Variants in ADAMTSL1 observed in about 807,000 individuals in gnomAD.
ADAMTSL1 encodes ADAMTS-like protein 1.
Under a neutral mutation model 201.8 loss-of-function variants are expected in ADAMTSL1, and 126 were observed. That is an observed-to-expected ratio of 0.62 (90% CI 0.54 to 0.72). The LOEUF (loss-of-function observed/expected upper bound fraction) is 0.72, where lower values mean the gene tolerates loss of function less well. Ranked by LOEUF, ADAMTSL1 falls within the 30% of genes least tolerant of loss-of-function variation. The pLI, the probability that ADAMTSL1 is intolerant of heterozygous loss-of-function variation, is 0.00. For synonymous variants in ADAMTSL1, 1,121 were observed against 903.4 expected (o/e 1.24, Z -4.32); for missense variants, 2,679 against 2,277.8 (o/e 1.18, Z -3.59).
intron 1 of ADAMTSL1, among the ~76,000 whole-genome samples, chr9:18,035,028 T>C (rs1424255909): frequency 2.0e-5 from 3 of 152,196 alleles, no homozygotes; most frequent in Non-Finnish European, 4.4e-5. Context: ...ATCCCAACTG[T>C]CTCTTGGTTC....
intron 1 of ADAMTSL1, among the ~76,000 whole-genome samples, chr9:18,098,936 C>T (rs931729932): frequency 2.0e-5 from 3 of 152,048 alleles, no homozygotes; most frequent in Non-Finnish European, 4.4e-5. Context: ...TGTGAGTTTC[C>T]CTCCCCTAAA....
chr9:17,999,174 A>G (rs535806402), intron 1 of ADAMTSL1, among the ~76,000 whole-genome samples: 33 of 152,252 alleles, frequency 2.2e-4, no homozygotes, highest in African/African-American at 7.9e-4. Context: ...GAACACAAAG[A>G]TAATATACAA....
intron 2 of ADAMTSL1, among the ~76,000 whole-genome samples, chr9:18,252,862 C>T (rs186901417): frequency 6.6e-6 from 1 of 152,236 alleles, no homozygotes; most frequent in Admixed American, 6.5e-5. Flanking sequence ...AATACATATG[C>T]TTTGACTAAG....
intron 1 of ADAMTSL1, among the ~76,000 whole-genome samples, chr9:17,914,482 T>A (rs955065343): frequency 6.6e-5 from 10 of 152,316 alleles, no homozygotes; most frequent in South Asian, 6.2e-4. Context: ...CCCTTCATGC[T>A]AAAAACTCTC....
chr9:18,343,844 A>G (rs774808295), intron 2 of ADAMTSL1, among the ~76,000 whole-genome samples: 4 of 152,024 alleles, frequency 2.6e-5, no homozygotes, highest in Non-Finnish European at 5.9e-5. Context: ...TACAGCAGGT[A>G]CTCCATGCTC....
chr9:17,937,809 T>C (rs542866064), intron 1 of ADAMTSL1, among the ~76,000 whole-genome samples: 7 of 152,170 alleles, frequency 4.6e-5, no homozygotes, highest in Non-Finnish European at 1.0e-4. Flanking sequence ...AGGAAGACTC[T>C]AATGCTTCCT....
intron 23 of ADAMTSL1, among the ~76,000 whole-genome samples, chr9:18,885,172 G>A (rs1289805037): frequency 6.6e-6 from 1 of 152,136 alleles, no homozygotes; most frequent in Non-Finnish European, 1.5e-5. Flanking sequence ...CAGAAATTTA[G>A]TGGCTCACAG....
At chr9:18,130,166 T>C (rs1164363088) in intron 1 of ADAMTSL1, among the ~76,000 whole-genome samples, 1 of 152,162 alleles carries the variant, frequency 6.6e-6, no homozygotes, top group African/African-American at 2.4e-5. Context: ...CTTATGCTTC[T>C]TGTCTCTCCT....
intron 2 of ADAMTSL1, among the ~76,000 whole-genome samples, chr9:18,528,241 T>G (rs1819218908): frequency 6.6e-6 from 1 of 152,068 alleles, no homozygotes; most frequent in Admixed American, 6.6e-5. Flanking sequence ...ATATGCAGGT[T>G]TGTTACAAAG....
At chr9:18,637,033 T>C (rs371197312) in intron 6 of ADAMTSL1, among the ~76,000 whole-genome samples, 18 of 152,176 alleles carry the variant, frequency 1.2e-4, no homozygotes, top group Admixed American at 1.0e-3. Context: ...CCCATAAAAG[T>C]CAAGATAGCC....
At chr9:18,608,453 TG>T (rs1388086166) in intron 4 of ADAMTSL1, among the ~76,000 whole-genome samples, 1 of 152,006 alleles carries the variant, frequency 6.6e-6, no homozygotes, top group Non-Finnish European at 1.5e-5. Context: ...TGCATGTGAG[TG>T]GGGGGTTAGT....
intron 1 of ADAMTSL1, among the ~76,000 whole-genome samples, chr9:18,501,732 A>G (rs1587390214): frequency 6.6e-6 from 1 of 152,204 alleles, no homozygotes. Flanking sequence ...AACATTAAAC[A>G]TGGATTCCAT....
chr9:18,510,634 T>TAAAC (rs1235611023), intron 2 of ADAMTSL1, among the ~76,000 whole-genome samples: 1 of 152,114 alleles, frequency 6.6e-6, no homozygotes, highest in Non-Finnish European at 1.5e-5. Flanking sequence ...AGACACTGTA[T>TAAAC]AAACATTGTC....
At chr9:18,025,875 C>T (rs759717869) in intron 1 of ADAMTSL1, among the ~76,000 whole-genome samples, 2 of 152,092 alleles carry the variant, frequency 1.3e-5, no homozygotes, top group African/African-American at 2.4e-5. Flanking sequence ...TTGATTCTTT[C>T]AGTCCAAGAG....
chr9:18,010,305 C>T (rs958406252), intron 1 of ADAMTSL1, among the ~76,000 whole-genome samples: 1 of 151,960 alleles, frequency 6.6e-6, no homozygotes, highest in African/African-American at 2.4e-5. Flanking sequence ...AATCAGAAAG[C>T]AAGTTTTCTA....
chr9:18,559,223 A>G (rs1446808084), intron 3 of ADAMTSL1, among the ~76,000 whole-genome samples: 1 of 152,146 alleles, frequency 6.6e-6, no homozygotes, highest in Non-Finnish European at 1.5e-5. Context: ...TTTTCTGCAT[A>G]TGGCTAGCCT....
At chr9:18,605,771 C>T (rs4977248) in intron 4 of ADAMTSL1, among the ~76,000 whole-genome samples, 87,342 of 152,036 alleles carry the variant, frequency 0.57, 26,022 homozygotes, top group Middle Eastern at 0.66. Flanking sequence ...ACAAATATTC[C>T]ATTCACATGC....
intron 16 of ADAMTSL1, among the ~76,000 whole-genome samples, chr9:18,756,489 G>A (rs1819781346): frequency 6.6e-6 from 1 of 151,928 alleles, no homozygotes; most frequent in Non-Finnish European, 1.5e-5. Flanking sequence ...GTAACTTCAG[G>A]GATCCCTAGG....
intron 1 of ADAMTSL1, among the ~76,000 whole-genome samples, chr9:17,987,818 A>C (rs1201747988): frequency 1.3e-5 from 2 of 151,990 alleles, no homozygotes; most frequent in African/African-American, 4.8e-5. Context: ...TTAAATGCAG[A>C]CTCAGTCAGC....
Sources: gnomAD v4.1 joint callset for allele counts (sites outside exome capture counted in the v4.1 genomes callset) on GRCh38, gnomAD v4.1.1 for gene constraint, MANE v1.5 for transcripts, NCBI Gene and HGNC (gene_info 2026-07-23, HGNC 2026-07-21) for gene names.